Variants in NEBL observed in about 807,000 individuals in gnomAD.
NEBL encodes nebulette.
NEBL carries 122 observed loss-of-function variants against 140.2 expected under a neutral mutation model. That is an observed-to-expected ratio of 0.87 (90% confidence interval 0.75 to 1.01). The LOEUF is 1.01. Among genes scored for constraint, NEBL ranks in the 50% least tolerant of loss-of-function variants. NEBL has a pLI of 0.00. For synonymous variants in NEBL, 436 were observed against 398.9 expected, an observed-to-expected ratio of 1.09 and a Z score of -1.11; for missense variants, 1,365 against 1,231.3, an observed-to-expected ratio of 1.11 and a Z score of -1.62.
intron 4 of NEBL, among the ~76,000 whole-genome samples, chr10:20,885,672 A>G (rs1220840987): frequency 6.6e-6 from 1 of 152,254 alleles, no homozygotes; most frequent in Non-Finnish European, 1.5e-5. Context: ...GAAACATCGG[A>G]AAAGTTACCT....
At chr10:20,805,252 A>G (rs191314375) in intron 26 of NEBL, among the ~76,000 whole-genome samples, 1 of 152,304 alleles carries the variant, frequency 6.6e-6, no homozygotes, top group Admixed American at 6.5e-5. Context: ...TATTGAACTT[A>G]TAAGGTTTGA....
At chr10:21,102,778 T>C (rs1446299663) in intron 2 of NEBL, among the ~76,000 whole-genome samples, 1 of 152,256 alleles carries the variant, frequency 6.6e-6, no homozygotes, top group East Asian at 1.9e-4. Flanking sequence ...TGCATGTTTG[T>C]GTACAAGTCT....
At chr10:20,937,715 C>T (rs1327456772) in intron 4 of NEBL, among the ~76,000 whole-genome samples, 2 of 152,122 alleles carry the variant, frequency 1.3e-5, no homozygotes, top group Non-Finnish European at 2.9e-5. Flanking sequence ...ACAGATGGCA[C>T]CTGGAAAATC....
At chr10:21,139,726 A>G (rs1589274879) in intron 2 of NEBL, among the ~76,000 whole-genome samples, 2 of 152,198 alleles carry the variant, frequency 1.3e-5, no homozygotes, top group South Asian at 4.1e-4. Context: ...TGCTTTCCAC[A>G]GTGCACATTT....
intron 20 of NEBL, 126 bp from the exon 21 acceptor site, chr10:20,817,818 C>T (rs759525843): frequency 8.9e-6 from 7 of 785,554 alleles, no homozygotes; most frequent in Non-Finnish European, 1.6e-5. Flanking sequence ...TTACATCAAC[C>T]TTCACGCTTA....
chr10:21,041,506 G>A (rs1191133094), intron 2 of NEBL, among the ~76,000 whole-genome samples: 1 of 152,120 alleles, frequency 6.6e-6, no homozygotes, highest in Non-Finnish European at 1.5e-5. Context: ...ACCTGAGAGA[G>A]AAATTGCTTT....
chr10:21,185,355 A>G (rs1361633501), intron 3 of NEBL, among the ~76,000 whole-genome samples: 1 of 151,958 alleles, frequency 6.6e-6, no homozygotes, highest in Non-Finnish European at 1.5e-5. Flanking sequence ...GGTCTTTTCC[A>G]TTTCTGGAAC....
At position 21,111,538 on chromosome 10, in the gene NEBL, G is replaced by A. The variant is rs528741121; in HGVS notation, c.164+60845C>T. On this transcript the variant is annotated intron_variant, in intron 2 of 6. Coordinates refer to the NEBL transcript ENST00000417816. The stretch of plus-strand genomic sequence containing the variant: ...GCTGCTGGGAAAACTGGCTAGCCAC[G>A]TGTAGAAAGCTGAAACTGGATCCCT... Among the ~76,000 whole-genome samples the A allele has an allele frequency of 3.9e-3, 597 of 151,598 alleles. 7 individuals carry two copies. The highest frequency in any genetic ancestry group is 0.014 in the African/African-American group (574 of 41,184).
chr10:21,091,459 C>G (rs1321937602), intron 2 of NEBL, among the ~76,000 whole-genome samples: 1 of 152,142 alleles, frequency 6.6e-6, no homozygotes, highest in Non-Finnish European at 1.5e-5. Flanking sequence ...GACAAATAGG[C>G]AGCCTACAAA....
chr10:20,876,748 T>G (rs935115403), intron 5 of NEBL, among the ~76,000 whole-genome samples: 1 of 152,208 alleles, frequency 6.6e-6, no homozygotes, highest in African/African-American at 2.4e-5. Flanking sequence ...AAAATTTGTT[T>G]GACTTATTTC....
intron 2 of NEBL, among the ~76,000 whole-genome samples, chr10:21,127,252 C>T (rs1300127288): frequency 6.6e-6 from 1 of 151,966 alleles, no homozygotes; most frequent in East Asian, 1.9e-4. Context: ...TCTTTTCAAA[C>T]TATATTTCAA....
chr10:20,853,125 C>G (rs1842711923), intron 9 of NEBL, among the ~76,000 whole-genome samples: 1 of 152,052 alleles, frequency 6.6e-6, no homozygotes, highest in South Asian at 2.1e-4. Flanking sequence ...AAAGACTCCA[C>G]CACAAAGAAG....
chr10:21,262,067 G>C (rs1010524234), intron 1 of NEBL, among the ~76,000 whole-genome samples: 1 of 152,204 alleles, frequency 6.6e-6, no homozygotes, highest in Non-Finnish European at 1.5e-5. Flanking sequence ...ACAAAAAAGA[G>C]AAGGGTAAAA....
At position 21,272,999 on chromosome 10, in the gene NEBL, A is replaced by AAAAC. The variant is rs1311698424; in HGVS notation, n.182+19827_182+19830dup. ...CTTACTCTGCCACCCCGCCCCAACC[A>AAAAC]AAACAAACAAACAAAAATCTAGGTA... On this transcript the variant is annotated intron_variant and non_coding_transcript_variant, in intron 1 of 8. Transcript: ENST00000675702. Among the ~76,000 whole-genome samples the AAAAC allele has an allele frequency of 2.6e-5, 4 of 152,144 alleles. No individual in the cohort carries two copies. The East Asian group carries it at 7.7e-4, about 29-fold the overall frequency.
intron 1 of NEBL, among the ~76,000 whole-genome samples, chr10:21,253,367 G>A (rs1842611397): frequency 6.6e-6 from 1 of 152,052 alleles, no homozygotes; most frequent in African/African-American, 2.4e-5. Flanking sequence ...GAGATTTATA[G>A]GTACAGAGCA....
At chr10:20,890,980 T>A (rs1338852329) in intron 2 of NEBL, among the ~76,000 whole-genome samples, 6 of 152,242 alleles carry the variant, frequency 3.9e-5, no homozygotes, top group Admixed American at 3.9e-4. Context: ...CTGTTTCAGA[T>A]GATAAATTAT....
rs1408152555 is a variant in NEBL at position 20,953,556 on chromosome 10, G to C, written c.357+8116C>G. Among the ~76,000 whole-genome samples the C allele has an allele frequency of 8.2e-5, 8 of 97,394 alleles. No homozygotes were observed. The Admixed American group carries it at 1.1e-3, about 13-fold the overall frequency. The allele number at this position is 97,394 out of a possible 152,430, so 63.9% of individuals were successfully genotyped here. On this transcript the variant is annotated intron_variant, in intron 4 of 6. Coordinates refer to the NEBL transcript ENST00000417816. ...AGGCTCTTGGATTAGACACCAAAAA[G>C]AATTCCCTATGATATATTAAGATAG...
At chr10:21,062,825 G>T (rs1005491008) in intron 2 of NEBL, among the ~76,000 whole-genome samples, 1 of 152,288 alleles carries the variant, frequency 6.6e-6, no homozygotes, top group African/African-American at 2.4e-5. Flanking sequence ...TTGAAATGTG[G>T]TCTCTGGAAG....
intron 5 of NEBL, among the ~76,000 whole-genome samples, 175 bp downstream of exon 5, chr10:20,880,619 A>G (rs915613809): frequency 5.9e-5 from 9 of 152,242 alleles, no homozygotes; most frequent in African/African-American, 1.7e-4. Flanking sequence ...GGCATTCGGC[A>G]AGGTGTTAAT....
Sources: gnomAD v4.1 joint callset for allele counts (sites outside exome capture counted in the v4.1 genomes callset) on GRCh38, gnomAD v4.1.1 for gene constraint, MANE v1.5 for transcripts, NCBI Gene and HGNC (gene_info 2026-07-23, HGNC 2026-07-21) for gene names.